The following TOX2 variants were observed in gnomAD, a reference collection of about 807,000 sequenced individuals.
The protein encoded by TOX2 is TOX high mobility group box family member 2.
Under a neutral mutation model 47.4 loss-of-function variants are expected in TOX2, and 15 were observed. The observed-to-expected ratio is 0.32, with a 90% CI of 0.21 to 0.49. The LOEUF (loss-of-function observed/expected upper bound fraction) is 0.49. Ranked by LOEUF, TOX2 falls within the 20% of genes least tolerant of loss-of-function variation. The pLI is 0.99. For missense variants in TOX2, 622 were observed against 673.1 expected, an observed-to-expected ratio of 0.92 and a Z score of 0.84; for synonymous variants, 290 against 296.6, an observed-to-expected ratio of 0.98 and a Z score of 0.23.
intron 2 of TOX2, among the ~76,000 whole-genome samples, chr20:44,004,181 A>C (rs1222833150): frequency 1.3e-5 from 2 of 152,218 alleles, no homozygotes; most frequent in Non-Finnish European, 2.9e-5. Context: ...TGTAGAGGAC[A>C]CAGGGACACG....
Position 44,065,698 on chromosome 20 carries a change from C to G in TOX2, c.961-14C>G. ...TCTTCTGTTCTCCAGTGACTGATAT[C>G]TGTCTCCTTCCAGAGCTCCCCAGAT... On this transcript the variant is annotated splice_polypyrimidine_tract_variant and intron_variant, in intron 6 of 8. Transcript: ENST00000341197. The G allele has an allele frequency of 3.2e-6, 5 of 1,562,220 alleles. No homozygotes were observed. Among genetic ancestry groups the G allele is most frequent in the Non-Finnish European group, 4.4e-6 (5 of 1,147,180 alleles).
intron 1 of TOX2, among the ~76,000 whole-genome samples, chr20:43,950,510 T>C (rs1448083506): frequency 6.6e-6 from 1 of 151,654 alleles, no homozygotes; most frequent in African/African-American, 2.4e-5. Context: ...GCTCTGCCTG[T>C]CTTTGCTGGT....
chr20:44,003,426 C>T (rs759954982), intron 2 of TOX2, among the ~76,000 whole-genome samples: 2 of 151,964 alleles, frequency 1.3e-5, no homozygotes, highest in African/African-American at 2.4e-5. Flanking sequence ...TGGGCTCAAG[C>T]GATCCTCCCG....
chr20:43,997,542 G>T (rs2070501189), intron 2 of TOX2, among the ~76,000 whole-genome samples: 1 of 151,564 alleles, frequency 6.6e-6, no homozygotes, highest in Non-Finnish European at 1.5e-5. Flanking sequence ...TTCCCTTTTG[G>T]GTATCTTTTT....
rs56662660 is a variant in TOX2 at position 43,934,136 on chromosome 20, G to GGAGAGAGAGAGA, written c.99+19167_99+19178dup. 8.4e-3 allele frequency among the ~76,000 whole-genome samples: 1,031 copies of GGAGAGAGAGAGA among 122,102 alleles called. 19 individuals are homozygous for GGAGAGAGAGAGA. The highest frequency in any genetic ancestry group is 0.022 in the East Asian group (90 of 4,100). The allele number at this position is 122,102 out of a possible 152,430, so 80.1% of individuals were successfully genotyped here. Reference sequence around the variant, plus strand: ...GCTCTTATTTCAGAGCCCAAGGTAAGGAGAGAGAGAGAGAGAGAGAGAGAG... The same window carrying GGAGAGAGAGAGA: ...GCTCTTATTTCAGAGCCCAAGGTAAGGAGAGAGAGAGAGAGAGAGAGAGAGAGAGAGAGAGAG... On this transcript the variant is annotated intron_variant, in intron 1 of 8. Coordinates refer to ENST00000341197, the MANE Select transcript of TOX2 (RefSeq NM_001098797.2).
intron 1 of TOX2, among the ~76,000 whole-genome samples, chr20:43,939,397 G>T (rs932880652): frequency 6.6e-6 from 1 of 152,160 alleles, no homozygotes. Flanking sequence ...TCTAGCTTCC[G>T]CCAATTTCTG....
intron 6 of TOX2, among the ~76,000 whole-genome samples, 182 bp downstream of exon 6, chr20:44,065,039 G>A (rs1157365113): frequency 6.6e-6 from 1 of 152,212 alleles, no homozygotes; most frequent in Non-Finnish European, 1.5e-5. Flanking sequence ...CACTTTACAT[G>A]CATTTCATTG....
chr20:43,987,896 T>C (rs2070295917), intron 2 of TOX2, among the ~76,000 whole-genome samples: 1 of 151,582 alleles, frequency 6.6e-6, no homozygotes, highest in African/African-American at 2.4e-5. Flanking sequence ...TTAGGAAATG[T>C]TTGAAATATC....
chr20:43,943,997 A>T (rs1204793018), intron 1 of TOX2, among the ~76,000 whole-genome samples: 3 of 152,232 alleles, frequency 2.0e-5, no homozygotes, highest in African/African-American at 7.2e-5. Context: ...ATAAATATTC[A>T]TGGACAATTT....
At chr20:43,975,437 G>A (rs1324560974) in intron 2 of TOX2, among the ~76,000 whole-genome samples, 1 of 152,158 alleles carries the variant, frequency 6.6e-6, no homozygotes, top group Non-Finnish European at 1.5e-5. Flanking sequence ...AGACGTTATT[G>A]TTCAGTCAAT....
intron 5 of TOX2, among the ~76,000 whole-genome samples, chr20:44,058,031 G>C (rs1021072647): frequency 1.3e-5 from 2 of 151,958 alleles, no homozygotes; most frequent in African/African-American, 4.8e-5. Flanking sequence ...CTCCCACTCG[G>C]ACAGACAGAG....
At chr20:44,057,997 G>GTTCC (rs1218058425) in intron 5 of TOX2, among the ~76,000 whole-genome samples, 378 of 146,188 alleles carry the variant, frequency 2.6e-3, no homozygotes, top group African/African-American at 8.8e-3. Context: ...AAAATGGCAG[G>GTTCC]AAGGAGGCAG....
intron 1 of TOX2, among the ~76,000 whole-genome samples, chr20:43,953,029 G>A (rs2069607514): frequency 6.6e-6 from 1 of 152,142 alleles, no homozygotes; most frequent in South Asian, 2.1e-4. Flanking sequence ...GGTGATGTGA[G>A]GATGGAAGCA....
chr20:43,994,917 G>C (rs913192025), intron 2 of TOX2, among the ~76,000 whole-genome samples: 1 of 152,150 alleles, frequency 6.6e-6, no homozygotes, highest in Non-Finnish European at 1.5e-5. Context: ...GGCTGGCAGC[G>C]TGGCACACTG....
chr20:44,067,382 G>A (rs570038968), intron 8 of TOX2, among the ~76,000 whole-genome samples: 5 of 152,302 alleles, frequency 3.3e-5, no homozygotes, highest in East Asian at 1.9e-4. Flanking sequence ...GGAGGTCAGG[G>A]AACTGGCTTT....
chr20:44,032,189 G>A (rs79312791), intron 3 of TOX2, among the ~76,000 whole-genome samples: 2,607 of 152,174 alleles, frequency 0.017, 82 homozygotes, highest in African/African-American at 0.06. Context: ...AGGGAGCAGG[G>A]TGAGTATCCC....
At chr20:44,061,645 A>T (rs2071720403) in intron 5 of TOX2, among the ~76,000 whole-genome samples, 2 of 151,964 alleles carry the variant, frequency 1.3e-5, no homozygotes, top group Admixed American at 6.5e-5. Flanking sequence ...AAGAAAGAGC[A>T]TCCAAATCTG....
intron 5 of TOX2, among the ~76,000 whole-genome samples, chr20:44,054,764 C>T (rs532413508): frequency 2.2e-4 from 33 of 152,178 alleles, no homozygotes; most frequent in Admixed American, 9.2e-4. Flanking sequence ...GCAACTTAAC[C>T]ATTCTGAACC....
At chr20:44,068,130 AG>A (rs2071866331) in intron 8 of TOX2, among the ~76,000 whole-genome samples, 1 of 152,118 alleles carries the variant, frequency 6.6e-6, no homozygotes, top group East Asian at 1.9e-4. Flanking sequence ...AAGCAGGTGC[AG>A]ACCCTCCTAC....
Sources: gnomAD v4.1 joint callset for allele counts (sites outside exome capture counted in the v4.1 genomes callset) on GRCh38, gnomAD v4.1.1 for gene constraint, MANE v1.5 for transcripts, NCBI Gene and HGNC (gene_info 2026-07-23, HGNC 2026-07-21) for gene names.